Variants in ZC3H12B observed in about 807,000 individuals in gnomAD.
ZC3H12B encodes probable ribonuclease ZC3H12B.
A neutral mutation model predicts 43.9 loss-of-function variants in ZC3H12B; 7 were observed. The ratio of observed to expected loss-of-function variants is 0.16; its 90% confidence interval spans 0.09 to 0.30. ZC3H12B has a LOEUF of 0.30. Ranked by LOEUF, ZC3H12B falls within the 10% of genes least tolerant of loss-of-function variation. The pLI, the probability that ZC3H12B is intolerant of heterozygous loss-of-function variation, is 1.00. For synonymous variants in ZC3H12B, 222 were observed against 241.7 expected, an observed-to-expected ratio of 0.92 and a Z score of 0.76; for missense variants, 475 against 670.2, an observed-to-expected ratio of 0.71 and a Z score of 3.22.
At chrX:65,375,534 T>C (rs1221265258) in intron 2 of ZC3H12B, among the ~76,000 whole-genome samples, 1 of 111,831 alleles carries the variant, frequency 8.9e-6, no homozygotes, top group Non-Finnish European at 1.9e-5. Flanking sequence ...AAGAGACACC[T>C]TTCTTCCACT....
chrX:65,207,017 G>A, the ZC3H12B span, among the ~76,000 whole-genome samples: 2 of 109,272 alleles, frequency 1.8e-5, no homozygotes, highest in South Asian at 8.0e-4. Flanking sequence ...AATAATATTG[G>A]TGTGGATGTG....
the ZC3H12B span, chrX:65,331,193 C>A: frequency 2.3e-4 from 38 of 168,775 alleles, no homozygotes; most frequent in Middle Eastern, 2.9e-3. Context: ...CACTCACCCA[C>A]CCTCCTGGAG....
At chrX:65,314,248 T>C in the ZC3H12B span, among the ~76,000 whole-genome samples, 1 of 110,845 alleles carries the variant, frequency 9.0e-6, no homozygotes, top group Non-Finnish European at 1.9e-5. Flanking sequence ...AAAAAAAAAT[T>C]TGAAGAAATA....
the ZC3H12B span, among the ~76,000 whole-genome samples, chrX:65,151,263 T>A: frequency 8.6e-4 from 96 of 111,931 alleles, no homozygotes; most frequent in African/African-American, 3.0e-3. Flanking sequence ...CCATTCAAAA[T>A]CTTAGTGCAA....
At chrX:65,322,085 C>A in the ZC3H12B span, among the ~76,000 whole-genome samples, 1 of 111,674 alleles carries the variant, frequency 9.0e-6, no homozygotes, top group Non-Finnish European at 1.9e-5. Flanking sequence ...TCACCAACAT[C>A]TTTTTCTTGT....
the ZC3H12B span, among the ~76,000 whole-genome samples, chrX:65,213,102 G>A: frequency 9.3e-6 from 1 of 107,889 alleles, no homozygotes; most frequent in African/African-American, 3.4e-5. Context: ...TCTTATGTGT[G>A]AATCCTTGTA....
the ZC3H12B span, among the ~76,000 whole-genome samples, chrX:65,305,473 C>T: frequency 2.7e-5 from 3 of 111,642 alleles, no homozygotes; most frequent in Non-Finnish European, 3.8e-5. Flanking sequence ...CTAAAGTATC[C>T]CTTGGGATCG....
intron 3 of ZC3H12B, among the ~76,000 whole-genome samples, chrX:65,424,813 T>G (rs187913196): frequency 4.7e-4 from 52 of 111,765 alleles, no homozygotes; most frequent in Non-Finnish European, 7.9e-4. Flanking sequence ...CTATTCTGTT[T>G]CATTGATCTA....
At chrX:65,182,807 A>T in the ZC3H12B span, among the ~76,000 whole-genome samples, 2 of 112,230 alleles carry the variant, frequency 1.8e-5, no homozygotes, top group Non-Finnish European at 3.8e-5. Context: ...TGCAGCCAAC[A>T]AGCATATGAA....
chrX:65,397,289 G>A (rs1411909358), intron 2 of ZC3H12B, among the ~76,000 whole-genome samples: 3 of 111,697 alleles, frequency 2.7e-5, no homozygotes, highest in African/African-American at 9.8e-5. Flanking sequence ...TTTCTTCATG[G>A]TGTCACTGGT....
chrX:65,062,956 CTGTT>C, the ZC3H12B span, among the ~76,000 whole-genome samples: 3 of 111,356 alleles, frequency 2.7e-5, no homozygotes, highest in Admixed American at 9.5e-5. Flanking sequence ...GTTTGGCTCT[CTGTT>C]TGTCTATTAT....
At chrX:65,229,097 C>G in the ZC3H12B span, among the ~76,000 whole-genome samples, 113 of 110,248 alleles carry the variant, frequency 1.0e-3, no homozygotes, top group Non-Finnish European at 1.4e-3. Flanking sequence ...GCCAAAAGAA[C>G]AAAGCTGGAG....
the ZC3H12B span, among the ~76,000 whole-genome samples, chrX:65,102,665 A>G: frequency 1.3e-4 from 15 of 111,957 alleles, no homozygotes; most frequent in Admixed American, 5.7e-4. Context: ...AATACCTAGG[A>G]ATACAACTTA....
chrX:65,266,778 G>C, the ZC3H12B span, among the ~76,000 whole-genome samples: 4 of 111,275 alleles, frequency 3.6e-5, no homozygotes, highest in East Asian at 5.6e-4. Flanking sequence ...GCAAGGGTTT[G>C]CCTTTGTTTC....
chrX:65,247,071 G>A, the ZC3H12B span, among the ~76,000 whole-genome samples: 3 of 110,508 alleles, frequency 2.7e-5, no homozygotes, highest in Admixed American at 9.5e-5. Flanking sequence ...AAACAACCCC[G>A]TTATAAAGTG....
the ZC3H12B span, among the ~76,000 whole-genome samples, chrX:65,061,539 G>A: frequency 8.9e-6 from 1 of 112,269 alleles, no homozygotes; most frequent in African/African-American, 3.2e-5. Flanking sequence ...GTGTGTATGT[G>A]CTGCATTTTC....
At chrX:65,040,966 C>T in the ZC3H12B span, among the ~76,000 whole-genome samples, 1 of 111,418 alleles carries the variant, frequency 9.0e-6, no homozygotes, top group East Asian at 2.8e-4. Flanking sequence ...TCAGTAGAGA[C>T]CGGGTTTCAC....
chrX:65,079,631 C>A, the ZC3H12B span, among the ~76,000 whole-genome samples: 1 of 112,513 alleles, frequency 8.9e-6, no homozygotes, highest in Non-Finnish European at 1.9e-5. Context: ...CAAGGCAGTA[C>A]CTCTGTAAGT....
chrX:65,239,915 T>A, the ZC3H12B span, among the ~76,000 whole-genome samples: 2 of 111,660 alleles, frequency 1.8e-5, no homozygotes, highest in Non-Finnish European at 3.8e-5. Context: ...CCATCTCTTC[T>A]TGCTTGCAGG....
Sources: gnomAD v4.1 joint callset for allele counts (sites outside exome capture counted in the v4.1 genomes callset) on GRCh38, gnomAD v4.1.1 for gene constraint, MANE v1.5 for transcripts, NCBI Gene and HGNC (gene_info 2026-07-23, HGNC 2026-07-21) for gene names.